LRP6: variants seen among roughly 807,000 people sequenced by gnomAD.
LRP6 encodes the protein low-density lipoprotein receptor-related protein 6.
Under a neutral mutation model 184.1 loss-of-function variants are expected in LRP6, and 43 were observed. The observed-to-expected ratio is 0.23, with a 90% CI of 0.18 to 0.30. LRP6 has a LOEUF of 0.30. LRP6 is among the 10% of genes least tolerant of loss of function. The pLI, the probability that LRP6 is intolerant of heterozygous loss-of-function variation, is 1.00. For missense variants in LRP6, 1,571 were observed against 2,005.3 expected (o/e 0.78, Z 4.14); for synonymous variants, 719 against 684.9 (o/e 1.05, Z -0.78).
At chr12:12,149,302 A>T (rs1488302751) in intron 13 of LRP6, 149 bp from the exon 14 acceptor site, 13 of 703,334 alleles carry the variant, frequency 1.8e-5, no homozygotes, top group Non-Finnish European at 3.3e-5. Flanking sequence ...ACCTTTTTTT[A>T]TGGGTAATGT....
intron 6 of LRP6, 26 bp from the exon 7 acceptor site, chr12:12,180,007 T>TA: frequency 6.4e-7 from 1 of 1,571,196 alleles, no homozygotes; most frequent in Non-Finnish European, 8.8e-7. Context: ...AAAAATGAGC[T>TA]AAAAATAGAT....
At position 12,171,099 on chromosome 12, in the gene LRP6, G is replaced by A. The variant is rs373720398; in HGVS notation, c.1546-5804C>T. Among the ~76,000 whole-genome samples the A allele has an allele frequency of 9.3e-5, 14 of 150,652 alleles. No individual in the cohort carries two copies. In the East Asian group the frequency reaches 2.1e-3, roughly 23 times the overall value. On this transcript the variant is annotated intron_variant, in intron 7 of 22. Transcript: ENST00000261349. ...GGTTAAAACTAGGTAGTTCATGGTC[G>A]TCTCTACTCTGCTTTCTATACTCTG...
At chr12:12,205,329 CAAAAAAAAAAA>C (rs56169717) in intron 2 of LRP6, among the ~76,000 whole-genome samples, 86 of 39,108 alleles carry the variant, frequency 2.2e-3, no homozygotes, top group East Asian at 7.6e-3. Flanking sequence ...CTCAAACAAA[CAAAAAAAAAAA>C]AAAAAAAAAA....
At chr12:12,252,931 T>C (rs1865358500) in intron 1 of LRP6, among the ~76,000 whole-genome samples, 1 of 152,206 alleles carries the variant, frequency 6.6e-6, no homozygotes. Context: ...TATATTCATC[T>C]ATATTCATAA....
intron 12 of LRP6, chr12:12,155,147 GA>G: frequency 2.2e-6 from 1 of 455,060 alleles, no homozygotes; most frequent in Non-Finnish European, 4.1e-6. Flanking sequence ...AGTGAGCCAA[GA>G]TCACGCCACT....
chr12:12,164,619 A>G lies in LRP6; in HGVS notation c.1763-57T>C, dbSNP rs980958514. ...GGACACACACATTGATACATTCAAC[A>G]TATTTTCACTTTTAAATTACTTAAG... is the stretch of plus-strand genomic sequence containing the variant. On this transcript the variant is annotated intron_variant, in intron 8 of 22. Coordinates refer to ENST00000261349, the MANE Select transcript of LRP6 (RefSeq NM_002336.3). 193 of 1,534,964 alleles carry G rather than the reference A, an allele frequency of 1.3e-4. 1 individual carries two copies. The highest frequency in any genetic ancestry group is 1.7e-4 in the Middle Eastern group (1 of 5,930).
At position 12,237,637 on chromosome 12, in the gene LRP6, A is replaced by G. The variant is rs114833278; in HGVS notation, c.449+6625T>C. 6.4e-3 allele frequency among the ~76,000 whole-genome samples: 982 copies of G among 152,408 alleles called. 7 individuals carry two copies. Among genetic ancestry groups the G allele is most frequent in the African/African-American group, 0.022 (921 of 41,604 alleles). On this transcript the variant is annotated intron_variant, in intron 2 of 22. Coordinates refer to ENST00000261349, the MANE Select transcript of LRP6 (RefSeq NM_002336.3). Reference sequence around the variant, plus strand: ...GCTGACAGGATGCCCTGAGAAGGGCATAATACCACTTCTGTGGTATTCTTG... The same window carrying G: ...GCTGACAGGATGCCCTGAGAAGGGCGTAATACCACTTCTGTGGTATTCTTG...
intron 7 of LRP6, 75 bp downstream of exon 7, chr12:12,179,735 G>C (rs1863294376): frequency 6.7e-7 from 1 of 1,489,550 alleles, no homozygotes; most frequent in Non-Finnish European, 9.3e-7. Context: ...AAGAATATCT[G>C]TACTCAAATC....
At chr12:12,199,878 C>T (rs1216535492) in intron 3 of LRP6, among the ~76,000 whole-genome samples, 8 of 134,342 alleles carry the variant, frequency 6.0e-5, no homozygotes, top group South Asian at 4.9e-4. Context: ...TCAGGAGAAT[C>T]GCTTGAACCC....
chr12:12,199,964 C>CAAAAAAAAAAAAAAAAAAAAAAAAAAAA (rs146224493), intron 3 of LRP6, among the ~76,000 whole-genome samples: 1 of 45,174 alleles, frequency 2.2e-5, no homozygotes, highest in South Asian at 1.5e-3. Flanking sequence ...GACTCCATCT[C>CAAAAAAAAAAAAAAAAAAAAAAAAAAAA]AAAAAAAAAA....
intron 17 of LRP6, among the ~76,000 whole-genome samples, chr12:12,134,101 T>A (rs1025700301): frequency 6.6e-6 from 1 of 152,306 alleles, no homozygotes. Context: ...GCATTATTTA[T>A]TTTTTAAAAA....
At position 12,187,086 on chromosome 12, in the gene LRP6, A is replaced by G. The variant is rs1454078102; in HGVS notation, c.681T>C (p.Pro227=). The stretch of plus-strand genomic sequence containing the variant: ...TGTCCTCAAATAACGTCAAGGCAAA[A>G]GGATGTGGAAGGGAACCTTTAACCA... ...QAVVKGSLPH[P]FALTLFEDIL... Residue 227 remains proline (P), a synonymous_variant, in exon 4 of 23, where the codon CCT becomes CCC. Transcript: ENST00000261349. 6.2e-7 allele frequency: 1 copy of G among 1,614,058 alleles called. No homozygotes were observed. The highest frequency in any genetic ancestry group is 8.5e-7 in the Non-Finnish European group (1 of 1,180,026).
At chr12:12,177,850 T>C (rs1020240391) in intron 7 of LRP6, among the ~76,000 whole-genome samples, 5 of 152,074 alleles carry the variant, frequency 3.3e-5, no homozygotes, top group African/African-American at 1.2e-4. Context: ...ATAAGATTTA[T>C]GGGTGACAGA....
chr12:12,134,006 T>A (rs570316299), intron 17 of LRP6, among the ~76,000 whole-genome samples: 7 of 152,152 alleles, frequency 4.6e-5, no homozygotes, highest in Non-Finnish European at 1.0e-4. Context: ...ATATCTGATT[T>A]CCCTGACTAC....
intron 2 of LRP6, among the ~76,000 whole-genome samples, chr12:12,222,689 CTATA>C (rs1864523576): frequency 6.6e-6 from 1 of 151,876 alleles, no homozygotes; most frequent in East Asian, 1.9e-4. Flanking sequence ...ATGTTTTTTC[CTATA>C]TATACATACT....
intron 2 of LRP6, among the ~76,000 whole-genome samples, chr12:12,217,674 G>C (rs1310495627): frequency 6.6e-6 from 1 of 152,066 alleles, no homozygotes; most frequent in Non-Finnish European, 1.5e-5. Context: ...TGTGATACTA[G>C]CATAAGGACA....
At chr12:12,145,961 T>C (rs897095668) in intron 15 of LRP6, among the ~76,000 whole-genome samples, 1 of 152,238 alleles carries the variant, frequency 6.6e-6, no homozygotes, top group African/African-American at 2.4e-5. Context: ...ACGGTATATA[T>C]ACATACACTG....
At chr12:12,145,187 T>C (rs1251112771) in intron 15 of LRP6, among the ~76,000 whole-genome samples, 1 of 150,208 alleles carries the variant, frequency 6.7e-6, no homozygotes, top group East Asian at 2.0e-4. Flanking sequence ...AAATTAGAGG[T>C]GATATAAGAG....
chr12:12,126,465 T>TA (rs1565529331), intron 20 of LRP6, among the ~76,000 whole-genome samples: 1 of 152,212 alleles, frequency 6.6e-6, no homozygotes, highest in African/African-American at 2.4e-5. Context: ...AGAGCTTGCA[T>TA]ATGTATTTGC....
Sources: gnomAD v4.1 joint callset for allele counts (sites outside exome capture counted in the v4.1 genomes callset) on GRCh38, gnomAD v4.1.1 for gene constraint, MANE v1.5 for transcripts, NCBI Gene and HGNC (gene_info 2026-07-23, HGNC 2026-07-21) for gene names.